AHRR: variants seen among roughly 807,000 people sequenced by gnomAD.
AHRR encodes the protein aryl hydrocarbon receptor repressor.
A neutral mutation model predicts 44.0 loss-of-function variants in AHRR; 28 were observed. The observed-to-expected ratio is 0.64, with a 90% confidence interval of 0.47 to 0.87. The LOEUF (loss-of-function observed/expected upper bound fraction) is 0.87, where lower values mean the gene tolerates loss of function less well. Among genes scored for constraint, AHRR ranks in the 40% least tolerant of loss-of-function variants. AHRR has a pLI of 0.00. For missense variants in AHRR, 990 were observed against 953.9 expected (o/e 1.04, Z -0.50); for synonymous variants, 434 against 407.0 (o/e 1.07, Z -0.80).
At position 435,642 on chromosome 5, in the gene AHRR, T is replaced by A. The variant is rs1309592062; in HGVS notation, c.*808T>A. 6.6e-6 allele frequency: 1 copy of A among 152,250 alleles called. No homozygotes were observed. The highest frequency in any genetic ancestry group is 1.5e-5 in the Non-Finnish European group (1 of 68,032). 9.4% of individuals were successfully genotyped at this position (152,250 alleles called of 1,614,324 possible). On this transcript the variant is annotated 3_prime_UTR_variant, in exon 11 of 11. Coordinates refer to ENST00000684583, the MANE Select transcript of AHRR (RefSeq NM_001377236.1). ...TCTTCCTAATCTGCCTCTTGGTACA[T>A]CACGTAATACAGAGTTCACAGACTC... is the stretch of plus-strand genomic sequence containing the variant.
Position 391,323 on chromosome 5 carries a change from ACGGGCGCAGGGCGAGG to A in AHRR, c.351+14625_351+14640del, listed in dbSNP as rs1409468903. 6.3e-3 allele frequency among the ~76,000 whole-genome samples: 828 copies of A among 132,408 alleles called. 13 individuals carry two copies. Among genetic ancestry groups the A allele is most frequent in the South Asian group, 0.048 (216 of 4,460 alleles). The allele number at this position is 132,408 out of a possible 152,430, so 86.9% of individuals were successfully genotyped here. A position where few individuals can be genotyped will look rare whatever the true frequency, so the allele number is the denominator to read the frequency against. On this transcript the variant is annotated intron_variant, in intron 4 of 10. Coordinates refer to ENST00000684583, the MANE Select transcript of AHRR (RefSeq NM_001377236.1). ...ATTAGGAAGGTGGGCCAGAGCGTGC[ACGGGCGCAGGGCGAGG>A]CGGGCGCAGGGCGAGGCAGGGCCAG...
intron 5 of AHRR, among the ~76,000 whole-genome samples, chr5:420,408 AAGG>A (rs146034618): frequency 0.23 from 35,123 of 152,090 alleles, 5,299 homozygotes; most frequent in Non-Finnish European, 0.34. Flanking sequence ...TCCCCGAGCA[AAGG>A]AGGAGTGACC....
intron 7 of AHRR, 157 bp from the exon 8 acceptor site, chr5:427,650 A>C: frequency 6.2e-7 from 1 of 1,613,004 alleles, no homozygotes; most frequent in Non-Finnish European, 8.5e-7. Context: ...CGGGGGTCAC[A>C]GGCTTGGCAG....
chr5:333,090 T>C (rs1045078538), intron 1 of AHRR, among the ~76,000 whole-genome samples: 1 of 151,904 alleles, frequency 6.6e-6, no homozygotes, highest in Non-Finnish European at 1.5e-5. Context: ...TTTAAAAAAA[T>C]AGAGACAGGA....
intron 1 of AHRR, among the ~76,000 whole-genome samples, chr5:331,870 CCCTA>C (rs971064363): frequency 1.3e-5 from 2 of 152,200 alleles, no homozygotes; most frequent in African/African-American, 4.8e-5. Context: ...CCAAAACCAT[CCCTA>C]CCGACATCTG....
chr5:332,009 G>A (rs538711828), intron 1 of AHRR, among the ~76,000 whole-genome samples: 3 of 152,170 alleles, frequency 2.0e-5, no homozygotes, highest in Non-Finnish European at 2.9e-5. Context: ...AAAGTATGTC[G>A]TGTTTAATTT....
rs1734071244 is a variant in AHRR, at chr5:383,753, G to A, written c.351+7037G>A. On this transcript the variant is annotated intron_variant, in intron 4 of 10. Coordinates refer to ENST00000684583, the MANE Select transcript of AHRR (RefSeq NM_001377236.1). This position sits in a 1 kb window ranked among gnomAD's most constrained non-coding sequence, Gnocchi z 4.0. ...AATTAAAATTCTTTTTTATAGAGATGGGGATGTCCCTCGTTGCTCAGGATA... is the reference window on the plus strand; with the variant it reads ...AATTAAAATTCTTTTTTATAGAGATAGGGATGTCCCTCGTTGCTCAGGATA... Among the ~76,000 whole-genome samples, 2 of 151,996 alleles carry A rather than the reference G, an allele frequency of 1.3e-5. No homozygotes were observed. Among genetic ancestry groups the A allele is most frequent in the Admixed American group, 6.6e-5 (1 of 15,242 alleles).
chr5:376,531 A>G (rs1733673164), intron 3 of AHRR, 79 bp from the exon 4 acceptor site: 15 of 1,456,028 alleles, frequency 1.0e-5, no homozygotes, highest in Admixed American at 2.2e-5. Context: ...ACGCGGGGAA[A>G]CACAGGAAAG....
At chr5:414,511 A>G (rs1457172382) in intron 5 of AHRR, among the ~76,000 whole-genome samples, 1 of 151,988 alleles carries the variant, frequency 6.6e-6, no homozygotes. Context: ...TCCACAAGCC[A>G]CTCCCACAAA....
chr5:330,329 T>C (rs145709097), intron 1 of AHRR, among the ~76,000 whole-genome samples: 22 of 152,322 alleles, frequency 1.4e-4, no homozygotes, highest in African/African-American at 5.3e-4. Flanking sequence ...TTGATTGTGG[T>C]ATATTATCTT....
chr5:324,013 T>TTCTTTCTTTCTTTCTTTC (rs1553975183), intron 1 of AHRR, among the ~76,000 whole-genome samples: 16 of 138,372 alleles, frequency 1.2e-4, no homozygotes, highest in African/African-American at 4.7e-4. Flanking sequence ...TTCTCTTTCT[T>TTCTTTCTTTCTTTCTTTC]TCTTTCTTTC....
intron 7 of AHRR, 197 bp from the exon 8 acceptor site, chr5:427,610 A>G (rs779567247): frequency 6.2e-7 from 1 of 1,612,196 alleles, no homozygotes; most frequent in South Asian, 1.1e-5. Flanking sequence ...TTTCAGGATG[A>G]TTCAAGCACA....
chr5:403,413 A>G (rs1446189550), intron 4 of AHRR, among the ~76,000 whole-genome samples: 1 of 152,186 alleles, frequency 6.6e-6, no homozygotes, highest in Admixed American at 6.5e-5. Context: ...AGGCGGGTGG[A>G]TCACCTGAGG....
Position 388,832 on chromosome 5 carries a change from G to A in AHRR, c.351+12116G>A, listed in dbSNP as rs1734279218. Among the ~76,000 whole-genome samples, 1 of 152,236 alleles carries A rather than the reference G, an allele frequency of 6.6e-6. No homozygotes were observed. Among genetic ancestry groups the A allele is most frequent in the Non-Finnish European group, 1.5e-5 (1 of 68,030 alleles). ...CTGGATGGAAACAGGAAGCTGGCAG[G>A]AGGACAGTGTGGCTGGGCCAGATGC... On this transcript the variant is annotated intron_variant, in intron 4 of 10. Coordinates refer to ENST00000684583, the MANE Select transcript of AHRR (RefSeq NM_001377236.1). The surrounding 1 kb of genome is among the most constrained non-coding windows in gnomAD (Gnocchi z 5.2).
rs1179372757 is a variant in AHRR at position 395,901 on chromosome 5, C to A, written c.352-17443C>A. 1.3e-5 allele frequency among the ~76,000 whole-genome samples: 2 copies of A among 152,222 alleles called. No individual in the cohort carries two copies. The highest frequency in any genetic ancestry group is 2.4e-5 in the African/African-American group (1 of 41,450). On this transcript the variant is annotated intron_variant, in intron 4 of 10. Transcript: ENST00000684583. This position sits in a 1 kb window ranked among gnomAD's most constrained non-coding sequence, Gnocchi z 5.3. Reference sequence around the variant, plus strand: ...TCCCCTTCCTCCAGCTTCCTCCATGCAGTGATGTTGCCTGGCTCTAAGGGG... The same window carrying A: ...TCCCCTTCCTCCAGCTTCCTCCATGAAGTGATGTTGCCTGGCTCTAAGGGG...
rs537154972 is a variant in AHRR at position 376,631 on chromosome 5, G to A, written c.266G>A (p.Arg89Gln). 4.0e-5 allele frequency: 50 copies of A among 1,255,024 alleles called. No homozygotes were observed. The highest frequency in any genetic ancestry group is 1.5e-4 in the African/African-American group (8 of 54,162). The allele number at this position is 1,255,024 out of a possible 1,614,324, so 77.7% of individuals were successfully genotyped here. A position where few individuals can be genotyped will look rare whatever the true frequency, so the allele number is the denominator to read the frequency against. The change falls in exon 4 of 11, where the codon CGG (arginine) becomes CAG (glutamine). Residue 89 changes from arginine to glutamine, a missense_variant. Physicochemically the swap from Arg to Gln is conservative, Grantham distance 43. Coordinates refer to ENST00000684583, the MANE Select transcript of AHRR (RefSeq NM_001377236.1). ...ACAGTCGTGCAGGAGCAGAGCTCAC[G>A]GCAGCCTGCGGCCGGCGCCCCCTCG... Reference protein sequence around the residue: ...FFQVVQEQSSRQPAAGAPSPG... With the variant: ...FFQVVQEQSSQQPAAGAPSPG...
Position 432,515 on chromosome 5 carries a change from TACTC to T in AHRR, c.963_966del (p.Tyr321Ter). 2 of 1,614,074 alleles carry T rather than the reference TACTC, an allele frequency of 1.2e-6. No individual in the cohort carries two copies. The highest frequency in any genetic ancestry group is 8.5e-7 in the Non-Finnish European group (1 of 1,179,894). ...ATCGGAACTGCATGGAAAACCCAAT[TACTC>T]AGCAGGTACTTAGAACATTTCTTAT... On this transcript the variant is annotated frameshift_variant, in exon 9 of 11. Coordinates refer to ENST00000684583, the MANE Select transcript of AHRR (RefSeq NM_001377236.1).
chr5:325,424 G>C (rs1422540338), intron 1 of AHRR, among the ~76,000 whole-genome samples: 1 of 152,232 alleles, frequency 6.6e-6, no homozygotes, highest in Non-Finnish European at 1.5e-5. Flanking sequence ...CCAGGCTTGG[G>C]TGCGGCTTGG....
intron 2 of AHRR, 51 bp downstream of exon 2, chr5:344,015 G>A: frequency 6.4e-7 from 1 of 1,556,964 alleles, no homozygotes; most frequent in Non-Finnish European, 8.7e-7. Flanking sequence ...CATGGAAGGG[G>A]AGGGTTGGGG....
Sources: allele counts gnomAD v4.1 joint callset (sites outside exome capture counted in the v4.1 genomes callset), GRCh38; gene constraint gnomAD v4.1.1; non-coding constraint Gnocchi (gnomAD v3.1); transcripts MANE v1.5; gene names NCBI Gene and HGNC (gene_info 2026-07-23, HGNC 2026-07-21).